The following GUCY2F variants were observed in gnomAD, a reference collection of about 807,000 sequenced individuals.
The protein encoded by GUCY2F is guanylate cyclase 2F, retinal.
A neutral mutation model predicts 73.1 loss-of-function variants in GUCY2F; 61 were observed. That is an observed-to-expected ratio of 0.83 (90% CI 0.68 to 1.03). The LOEUF (loss-of-function observed/expected upper bound fraction) is 1.03. GUCY2F is among the 50% of genes least tolerant of loss of function. The probability of loss-of-function intolerance (pLI) is 0.00; values close to 1 mark genes in which losing one functional copy is unlikely to be tolerated. For missense variants in GUCY2F, 912 were observed against 854.3 expected, an observed-to-expected ratio of 1.07 and a Z score of -0.84; for synonymous variants, 331 against 307.8, an observed-to-expected ratio of 1.08 and a Z score of -0.79.
intron 12 of GUCY2F, among the ~76,000 whole-genome samples, chrX:109,394,660 G>T (rs938055304): frequency 2.7e-4 from 30 of 112,024 alleles, no homozygotes; most frequent in African/African-American, 9.7e-4. Context: ...TTGGAATTGC[G>T]CCTTAGCTTC....
In GUCY2F at chrX:109,376,085, T is replaced by C. The variant is rs1359730535; in HGVS notation, c.3233A>G (p.Lys1078Arg). ...AAATGTGAACTCCACTTACCCATCT[T>C]TGTCCACTGGTGGGGGCACAGGAAG... ...KPLPVPPPVD[K>R]DGQVGHGLQP... The change falls in exon 18 of 20, where the codon AAA becomes AGA. Residue 1078 changes from lysine (K) to arginine (R), a missense_variant. By Grantham distance (26) the Lys-to-Arg change is conservative. Coordinates refer to ENST00000218006, the MANE Select transcript of GUCY2F (RefSeq NM_001522.3). 1 of 1,194,365 alleles carries C rather than the reference T, an allele frequency of 8.4e-7. No homozygotes were observed. The highest frequency in any genetic ancestry group is 1.1e-6 in the Non-Finnish European group (1 of 880,562).
intron 15 of GUCY2F, among the ~76,000 whole-genome samples, chrX:109,387,781 C>T (rs1362201958): frequency 9.0e-6 from 1 of 111,729 alleles, no homozygotes; most frequent in African/African-American, 3.3e-5. Flanking sequence ...TGTTAGAGAA[C>T]AGGAAGAGTC....
intron 10 of GUCY2F, among the ~76,000 whole-genome samples, chrX:109,401,555 T>C (rs1226465063): frequency 8.9e-6 from 1 of 112,203 alleles, no homozygotes; most frequent in Non-Finnish European, 1.9e-5. Flanking sequence ...CTTTTGTTGA[T>C]TCAACAAATA....
chrX:109,456,610 C>A (rs757245975), intron 3 of GUCY2F, among the ~76,000 whole-genome samples: 34 of 111,833 alleles, frequency 3.0e-4, no homozygotes, highest in Non-Finnish European at 5.5e-4. Context: ...ACGACTGAAA[C>A]CTGAAGCCTG....
In GUCY2F at chrX:109,448,128, T is replaced by C; in HGVS notation, c.1510A>G (p.Asn504Asp). The C allele has an allele frequency of 8.9e-7, 1 of 1,123,554 alleles. No individual in the cohort carries two copies. The highest frequency in any genetic ancestry group is 1.2e-6 in the Non-Finnish European group (1 of 815,682). 92.6% of individuals were successfully genotyped at this position (1,123,554 alleles called of 1,213,427 possible). ...INKIQLIKGPNRILLTLEDVT... is the reference protein window; with the variant it reads ...INKIQLIKGPDRILLTLEDVT... ...TCCTCCAAAGTCAGTAGAATTCTAT[T>C]GGGTCCTTTGATCAACTGGATTTTA... The change falls in exon 6 of 20, where the codon AAT becomes GAT. Residue 504 changes from asparagine (N) to aspartate (D), a missense_variant. Physicochemically the swap from Asn to Asp is conservative, Grantham distance 23 (BLOSUM62 1). Transcript: ENST00000218006.
intron 10 of GUCY2F, among the ~76,000 whole-genome samples, chrX:109,403,168 T>C (rs765337654): frequency 3.6e-3 from 402 of 111,313 alleles, no homozygotes; most frequent in Non-Finnish European, 5.2e-3. Context: ...TCATATTTGT[T>C]CTCTTTCTTT....
intron 7 of GUCY2F, among the ~76,000 whole-genome samples, chrX:109,434,226 A>G (rs1278882626): frequency 9.1e-6 from 1 of 110,284 alleles, no homozygotes; most frequent in Non-Finnish European, 1.9e-5. Flanking sequence ...ACTGCTGCCC[A>G]CCACACCCCA....
intron 14 of GUCY2F, among the ~76,000 whole-genome samples, chrX:109,389,568 G>A (rs191269154): frequency 2.1e-4 from 24 of 112,135 alleles, no homozygotes; most frequent in African/African-American, 7.4e-4. Flanking sequence ...TACAAACTGT[G>A]TGGCCATGGG....
chrX:109,418,112 A>G (rs1265912349), intron 8 of GUCY2F, among the ~76,000 whole-genome samples: 2 of 111,671 alleles, frequency 1.8e-5, no homozygotes, highest in African/African-American at 6.5e-5. Context: ...CAAATTAGGG[A>G]TCTTTTTCAG....
intron 6 of GUCY2F, among the ~76,000 whole-genome samples, chrX:109,444,184 A>T (rs945610148): frequency 8.9e-6 from 1 of 112,094 alleles, no homozygotes; most frequent in Non-Finnish European, 1.9e-5. Flanking sequence ...GCTTTCAGCA[A>T]TATGTTTCCA....
chrX:109,472,726 G>A (rs1314007337), intron 2 of GUCY2F, among the ~76,000 whole-genome samples: 2 of 112,248 alleles, frequency 1.8e-5, no homozygotes, highest in Non-Finnish European at 3.8e-5. Context: ...GACAAAAGAT[G>A]TGGCCTGACC....
At position 109,381,555 on chromosome X, in the gene GUCY2F, T is replaced by C. The variant is rs773409546; in HGVS notation, c.3150+563A>G. ...AAACTAAAATTATTCTAATCCTATA[T>C]CTCAGGTCTAGTGATAACTCTAACA... On this transcript the variant is annotated intron_variant, in intron 17 of 19. Coordinates refer to ENST00000218006, the MANE Select transcript of GUCY2F (RefSeq NM_001522.3). Among the ~76,000 whole-genome samples the C allele has an allele frequency of 6.2e-5, 7 of 112,208 alleles. No individual in the cohort carries two copies. In the East Asian group the frequency reaches 1.4e-3, roughly 23 times the overall value.
chrX:109,430,672 C>T, intron 7 of GUCY2F, among the ~76,000 whole-genome samples: 1 of 112,105 alleles, frequency 8.9e-6, no homozygotes, highest in East Asian at 2.8e-4. Flanking sequence ...TTTGCAAAGC[C>T]TTTCTTAACT....
At chrX:109,374,315 C>A (rs1459944119) in intron 19 of GUCY2F, among the ~76,000 whole-genome samples, 1 of 111,340 alleles carries the variant, frequency 9.0e-6, no homozygotes, top group African/African-American at 3.3e-5. Flanking sequence ...GAGGCCAGGA[C>A]CAGGGATGGA....
intron 3 of GUCY2F, among the ~76,000 whole-genome samples, chrX:109,457,148 T>A (rs1932275860): frequency 8.9e-6 from 1 of 112,262 alleles, no homozygotes; most frequent in Non-Finnish European, 1.9e-5. Context: ...AATTAAAACA[T>A]ATCATTGGTT....
At chrX:109,389,416 C>T (rs73639120) in intron 14 of GUCY2F, among the ~76,000 whole-genome samples, 5,205 of 112,011 alleles carry the variant, frequency 0.046, 321 homozygotes, top group African/African-American at 0.16. Context: ...TTATGAAATG[C>T]GCCAGTCAGA....
chrX:109,407,359 G>T (rs781074365), intron 9 of GUCY2F, among the ~76,000 whole-genome samples: 14 of 112,911 alleles, frequency 1.2e-4, no homozygotes, highest in African/African-American at 4.2e-4. Context: ...GCATTCAAAA[G>T]GTGACTTGGG....
intron 17 of GUCY2F, among the ~76,000 whole-genome samples, chrX:109,378,427 A>G (rs1408927773): frequency 8.9e-6 from 1 of 111,840 alleles, no homozygotes; most frequent in Non-Finnish European, 1.9e-5. Context: ...GAGCTTCCTG[A>G]TAACCACAAG....
At chrX:109,472,115 A>G (rs1351959677) in intron 2 of GUCY2F, among the ~76,000 whole-genome samples, 2 of 110,983 alleles carry the variant, frequency 1.8e-5, no homozygotes, top group African/African-American at 6.6e-5. Flanking sequence ...GTTGCCAATG[A>G]GAGTTCCTAA....
Sources: allele counts gnomAD v4.1 joint callset (sites outside exome capture counted in the v4.1 genomes callset), GRCh38; gene constraint gnomAD v4.1.1; transcripts MANE v1.5; gene names NCBI Gene and HGNC (gene_info 2026-07-23, HGNC 2026-07-21).